Variants in ABCB7 observed in about 807,000 individuals in gnomAD.
ABCB7 encodes iron-sulfur clusters transporter ABCB7, mitochondrial.
A neutral mutation model predicts 54.4 loss-of-function variants in ABCB7; 7 were observed. The observed-to-expected ratio is 0.13, with a 90% CI of 0.07 to 0.24. The LOEUF (loss-of-function observed/expected upper bound fraction) is 0.24, where lower values mean the gene tolerates loss of function less well. Among genes scored for constraint, ABCB7 ranks in the 10% least tolerant of loss-of-function variants. The pLI is 1.00. For missense variants in ABCB7, 356 were observed against 570.4 expected (o/e 0.62, Z 3.83); for synonymous variants, 218 against 207.1 (o/e 1.05, Z -0.45).
At chrX:75,081,957 T>C (rs1412690387) in intron 4 of ABCB7, among the ~76,000 whole-genome samples, 1 of 109,250 alleles carries the variant, frequency 9.2e-6, no homozygotes, top group Non-Finnish European at 1.9e-5. Flanking sequence ...CAGGGACCTA[T>C]GGAGCTGTAA....
chrX:75,053,631 A>G (rs2081212954), intron 15 of ABCB7, 46 bp from the exon 16 acceptor site: 1 of 1,161,505 alleles, frequency 8.6e-7, no homozygotes, highest in African/African-American at 1.8e-5. Context: ...TCATTTAACT[A>G]GCATAATAAC....
At chrX:75,081,774 T>C (rs888039286) in intron 4 of ABCB7, among the ~76,000 whole-genome samples, 5 of 111,813 alleles carry the variant, frequency 4.5e-5, no homozygotes, top group Admixed American at 2.9e-4. Flanking sequence ...ATAGAAGCTA[T>C]ATAAATCTTA....
intron 1 of ABCB7, among the ~76,000 whole-genome samples, chrX:75,143,561 C>T (rs2082070103): frequency 9.0e-6 from 1 of 111,241 alleles, no homozygotes; most frequent in South Asian, 3.8e-4. Context: ...TCTACCAGTA[C>T]CAATTTACTG....
At chrX:75,134,920 G>C (rs1432628341) in intron 1 of ABCB7, among the ~76,000 whole-genome samples, 2 of 110,774 alleles carry the variant, frequency 1.8e-5, no homozygotes, top group African/African-American at 3.3e-5. Flanking sequence ...AAAGGAACCA[G>C]AAAAACAAGA....
At chrX:75,125,396 G>C (rs2081916423) in intron 1 of ABCB7, among the ~76,000 whole-genome samples, 1 of 111,432 alleles carries the variant, frequency 9.0e-6, no homozygotes, top group African/African-American at 3.3e-5. Context: ...CTTTGAAAAA[G>C]GTATTTGGCT....
intron 1 of ABCB7, among the ~76,000 whole-genome samples, chrX:75,122,011 C>A (rs549500751): frequency 2.7e-5 from 3 of 111,014 alleles, no homozygotes; most frequent in African/African-American, 9.8e-5. Context: ...ATTAAGGGTT[C>A]TCTTATAAAA....
intron 2 of ABCB7, among the ~76,000 whole-genome samples, chrX:75,114,224 T>C: frequency 8.9e-6 from 1 of 112,035 alleles, no homozygotes; most frequent in Non-Finnish European, 1.9e-5. Flanking sequence ...ATTTAGACTG[T>C]CTTCTAATTT....
intron 3 of ABCB7, among the ~76,000 whole-genome samples, chrX:75,108,071 C>T (rs1248671557): frequency 2.7e-5 from 3 of 111,180 alleles, no homozygotes; most frequent in South Asian, 3.9e-4. Context: ...CAGTACTCCC[C>T]GTGACCTGTG....
chrX:75,124,964 T>C (rs1037380689), intron 1 of ABCB7, among the ~76,000 whole-genome samples: 3 of 112,011 alleles, frequency 2.7e-5, no homozygotes, highest in African/African-American at 9.7e-5. Context: ...TATTTACTAA[T>C]GGGGACTTGG....
intron 9 of ABCB7, 82 bp from the exon 10 acceptor site, chrX:75,070,604 C>G (rs796687614): frequency 1.0e-6 from 1 of 956,693 alleles, no homozygotes; most frequent in African/African-American, 1.9e-5. Flanking sequence ...TAGTCTATTA[C>G]GACGGAACAA....
chrX:75,153,896 C>T (rs1257713615), intron 1 of ABCB7, among the ~76,000 whole-genome samples: 1 of 108,263 alleles, frequency 9.2e-6, no homozygotes, highest in Middle Eastern at 4.4e-3. Flanking sequence ...AAGTGCTAAT[C>T]CAACCCACTA....
chrX:75,098,045 A>C (rs1324946340), intron 4 of ABCB7, among the ~76,000 whole-genome samples: 1 of 111,830 alleles, frequency 8.9e-6, no homozygotes, highest in East Asian at 2.8e-4. Context: ...GCGGTGGCTC[A>C]TGCCTGTAAT....
chrX:75,115,686 C>T (rs2081810287), intron 1 of ABCB7, among the ~76,000 whole-genome samples: 1 of 108,156 alleles, frequency 9.2e-6, no homozygotes, highest in African/African-American at 3.4e-5. Flanking sequence ...TAAAATGCTA[C>T]TAAGTCCCCC....
At chrX:75,129,426 T>C (rs1181341106) in intron 1 of ABCB7, among the ~76,000 whole-genome samples, 2 of 109,102 alleles carry the variant, frequency 1.8e-5, no homozygotes, top group Admixed American at 9.9e-5. Context: ...GAGGGGAACA[T>C]CTCACACTGG....
intron 14 of ABCB7, 42 bp from the exon 15 acceptor site, chrX:75,060,372 A>T (rs1191559988): frequency 1.0e-6 from 1 of 976,807 alleles, no homozygotes; most frequent in Non-Finnish European, 1.5e-6. Context: ...AAATAAAAAG[A>T]AGTACACATT....
chrX:75,103,433 T>C (rs981649296), intron 3 of ABCB7, among the ~76,000 whole-genome samples: 1 of 111,200 alleles, frequency 9.0e-6, no homozygotes, highest in Admixed American at 9.6e-5. Context: ...TATAAATACA[T>C]GGATTTATAT....
intron 1 of ABCB7, among the ~76,000 whole-genome samples, chrX:75,116,623 T>C (rs997861223): frequency 9.0e-6 from 1 of 111,066 alleles, no homozygotes; most frequent in South Asian, 3.9e-4. Context: ...AACAATTTAG[T>C]GAGGAAAAAA....
At chrX:75,062,556 C>A in intron 13 of ABCB7, 125 bp from the exon 14 acceptor site, 2 of 538,626 alleles carry the variant, frequency 3.7e-6, no homozygotes, top group South Asian at 2.6e-5. Flanking sequence ...GATCACAGTT[C>A]ATTTTACTGA....
intron 1 of ABCB7, among the ~76,000 whole-genome samples, chrX:75,139,371 A>C (rs1327098267): frequency 8.9e-6 from 1 of 111,998 alleles, no homozygotes; most frequent in Non-Finnish European, 1.9e-5. Flanking sequence ...ATTTGCTGAC[A>C]TGAGTTATCT....
Sources: gnomAD v4.1 joint callset for allele counts (sites outside exome capture counted in the v4.1 genomes callset) on GRCh38, gnomAD v4.1.1 for gene constraint, MANE v1.5 for transcripts, NCBI Gene and HGNC (gene_info 2026-07-23, HGNC 2026-07-21) for gene names.